ANK3: variants seen among roughly 807,000 people sequenced by gnomAD.
The protein encoded by ANK3 is ankyrin-3.
Under a neutral mutation model 370.9 loss-of-function variants are expected in ANK3, and 57 were observed. That is an observed-to-expected ratio of 0.15 (90% CI 0.12 to 0.19). ANK3 has a LOEUF of 0.19. Among genes scored for constraint, ANK3 ranks in the 10% least tolerant of loss-of-function variants. The pLI, the probability that ANK3 is intolerant of heterozygous loss-of-function variation, is 1.00. For synonymous variants in ANK3, 1,929 were observed against 1,946.3 expected (o/e 0.99, Z 0.23); for missense variants, 4,439 against 5,302.1 (o/e 0.84, Z 5.06).
At chr10:60,629,819 AT>A (rs983531965) in intron 1 of ANK3, among the ~76,000 whole-genome samples, 6 of 152,280 alleles carry the variant, frequency 3.9e-5, no homozygotes, top group South Asian at 2.1e-4. Flanking sequence ...TGTAATTTAT[AT>A]TTTTTTAAAT....
chr10:60,164,378 T>C (rs2095568932), intron 23 of ANK3, among the ~76,000 whole-genome samples: 1 of 151,988 alleles, frequency 6.6e-6, no homozygotes, highest in African/African-American at 2.4e-5. Flanking sequence ...AAAAATATTG[T>C]GTTCAGTTCT....
intron 2 of ANK3, among the ~76,000 whole-genome samples, chr10:60,487,620 G>A (rs1182684428): frequency 6.6e-6 from 1 of 152,102 alleles, no homozygotes; most frequent in Non-Finnish European, 1.5e-5. Flanking sequence ...ATCTGACTTG[G>A]AAAGTATACT....
chr10:60,423,759 G>A (rs2063824240), intron 2 of ANK3, among the ~76,000 whole-genome samples: 1 of 151,886 alleles, frequency 6.6e-6, no homozygotes, highest in African/African-American at 2.4e-5. Flanking sequence ...CTACCAGACA[G>A]GCATGCCAAT....
chr10:60,497,967 T>C (rs2133135652), intron 2 of ANK3, among the ~76,000 whole-genome samples: 1 of 152,326 alleles, frequency 6.6e-6, no homozygotes. Flanking sequence ...AGAGGTTTTA[T>C]CTGCAGTTAT....
intron 2 of ANK3, among the ~76,000 whole-genome samples, chr10:60,424,652 A>T (rs924633908): frequency 6.6e-6 from 1 of 152,082 alleles, no homozygotes; most frequent in Non-Finnish European, 1.5e-5. Context: ...TGTGGGATAC[A>T]TTGTAGTGTG....
chr10:60,380,677 G>A lies in ANK3; in HGVS notation c.114+8748C>T, dbSNP rs560150825. Among the ~76,000 whole-genome samples the A allele has an allele frequency of 3.2e-4, 49 of 152,180 alleles. 1 individual carries two copies. Among genetic ancestry groups the A allele is most frequent in the African/African-American group, 1.1e-3 (44 of 41,522 alleles). On this transcript the variant is annotated intron_variant, in intron 1 of 43. Transcript: ENST00000280772. ...GGTAAATTCTGCTTCATATACTTTTGCTGTTGGATGTATCACTGGGTAGAC... is the reference window on the plus strand; with the variant it reads ...GGTAAATTCTGCTTCATATACTTTTACTGTTGGATGTATCACTGGGTAGAC...
intron 1 of ANK3, among the ~76,000 whole-genome samples, chr10:60,674,327 A>G (rs2079098257): frequency 6.6e-6 from 1 of 152,164 alleles, no homozygotes; most frequent in Non-Finnish European, 1.5e-5. Flanking sequence ...TGCAGGCTGT[A>G]CAGGAAGCAT....
At chr10:60,146,637 C>A (rs561173554) in intron 23 of ANK3, among the ~76,000 whole-genome samples, 1 of 152,134 alleles carries the variant, frequency 6.6e-6, no homozygotes, top group Non-Finnish European at 1.5e-5. Flanking sequence ...TACAGGCACC[C>A]GCCACCAAGC....
At chr10:60,545,393 T>G (rs935680087) in intron 2 of ANK3, among the ~76,000 whole-genome samples, 1 of 151,992 alleles carries the variant, frequency 6.6e-6, no homozygotes, top group Non-Finnish European at 1.5e-5. Context: ...GAACTAAATG[T>G]TTTGTGAAGG....
rs12244936 is a variant in ANK3, at chr10:60,172,763, T to C, written c.2382+137A>G. The C allele has an allele frequency of 2.5e-3, 1,603 of 632,616 alleles. 22 individuals are homozygous for C. The African/African-American group carries it at 0.027, about 11-fold the overall frequency. 39.2% of individuals were successfully genotyped at this position (632,616 alleles called of 1,614,324 possible). A position where few individuals can be genotyped will look rare whatever the true frequency, so the allele number is the denominator to read the frequency against. On this transcript the variant is annotated intron_variant, in intron 20 of 43. Transcript: ENST00000280772. ...TGAACAGCTCAGAACAATATGGTTATTGTCCTTCTTTCCTCATTCTACTGA... is the reference window on the plus strand; with the variant it reads ...TGAACAGCTCAGAACAATATGGTTACTGTCCTTCTTTCCTCATTCTACTGA...
chr10:60,130,577 T>A (rs982572754), intron 25 of ANK3, among the ~76,000 whole-genome samples: 1 of 152,184 alleles, frequency 6.6e-6, no homozygotes, highest in Non-Finnish European at 1.5e-5. Context: ...ATTATTACTG[T>A]GGAAGAGCTA....
intron 1 of ANK3, among the ~76,000 whole-genome samples, chr10:60,289,442 C>A (rs1165197728): frequency 6.6e-6 from 1 of 151,784 alleles, no homozygotes; most frequent in African/African-American, 2.4e-5. Context: ...GACAAGGTCT[C>A]ACTCTCGCAC....
At chr10:60,143,145 CA>C (rs1207535820) in intron 23 of ANK3, among the ~76,000 whole-genome samples, 1 of 152,142 alleles carries the variant, frequency 6.6e-6, no homozygotes, top group Non-Finnish European at 1.5e-5. Flanking sequence ...CTGGTAAAGG[CA>C]AAATCCAATT....
chr10:60,733,390 C>A (rs1437323819), exon 1 of ANK3: 2 of 1,204,220 alleles, frequency 1.7e-6, no homozygotes, highest in Non-Finnish European at 2.1e-6. Flanking sequence ...CCTCGGGCCT[C>A]CAAACGTGGG....
intron 2 of ANK3, among the ~76,000 whole-genome samples, chr10:60,486,517 T>C (rs750417174): frequency 7.2e-5 from 11 of 152,184 alleles, no homozygotes; most frequent in Non-Finnish European, 1.3e-4. Context: ...GAGGCAGAGG[T>C]TGCAGTGAGC....
chr10:60,226,544 T>TA (rs2097159168), intron 8 of ANK3, among the ~76,000 whole-genome samples: 1 of 16,628 alleles, frequency 6.0e-5, no homozygotes, highest in Non-Finnish European at 1.1e-4. Context: ...ATACATAGTA[T>TA]ATATACTATA....
At chr10:60,191,813 T>C (rs190579109) in intron 16 of ANK3, among the ~76,000 whole-genome samples, 168 of 152,326 alleles carry the variant, frequency 1.1e-3, no homozygotes, top group Non-Finnish European at 2.2e-3. Flanking sequence ...TGCAGCACCA[T>C]TCACAATAGC....
At chr10:60,256,818 G>T (rs2097744951) in intron 7 of ANK3, among the ~76,000 whole-genome samples, 1 of 152,136 alleles carries the variant, frequency 6.6e-6, no homozygotes, top group Non-Finnish European at 1.5e-5. Flanking sequence ...CTTTCTCATG[G>T]CTGTGTGGTA....
rs12253055 is a variant in ANK3, at chr10:60,489,884, A to G, written c.96+125302T>C. The stretch of plus-strand genomic sequence containing the variant: ...CCTCCTAGAATCTGAAGCTATGCTC[A>G]TATGTACTGAACAGGATAAAAACAT... On this transcript the variant is annotated intron_variant, in intron 2 of 43. Coordinates refer to the ANK3 transcript ENST00000373827. 3.3e-3 allele frequency among the ~76,000 whole-genome samples: 497 copies of G among 152,338 alleles called. 4 individuals are homozygous for G. Among genetic ancestry groups the G allele is most frequent in the African/African-American group, 0.012 (484 of 41,584 alleles).
Sources: allele counts gnomAD v4.1 joint callset (sites outside exome capture counted in the v4.1 genomes callset), GRCh38; gene constraint gnomAD v4.1.1; transcripts MANE v1.5; gene names NCBI Gene and HGNC (gene_info 2026-07-23, HGNC 2026-07-21).